Variants in SCNN1G observed in about 807,000 individuals in gnomAD.
SCNN1G encodes sodium channel epithelial 1 subunit gamma.
In SCNN1G, 27 loss-of-function variants were observed where a neutral mutation model predicts 64.6. The observed-to-expected ratio is 0.42, with a 90% CI of 0.31 to 0.58. The LOEUF (loss-of-function observed/expected upper bound fraction) is 0.58, where lower values mean the gene tolerates loss of function less well. Ranked by LOEUF, SCNN1G falls within the 20% of genes least tolerant of loss-of-function variation. The pLI is 0.18. For synonymous variants in SCNN1G, 330 were observed against 314.2 expected (o/e 1.05, Z -0.53); for missense variants, 743 against 823.4 (o/e 0.90, Z 1.19).
At chr16:23,194,906 T>A (rs994025092) in intron 5 of SCNN1G, 1 of 153,682 alleles carries the variant, frequency 6.5e-6, no homozygotes, top group Non-Finnish European at 1.4e-5. Flanking sequence ...ATCACAGTTT[T>A]GGAGACTAGA....
At chr16:23,192,590 G>C in intron 4 of SCNN1G, 48 bp downstream of exon 4, 1 of 1,494,298 alleles carries the variant, frequency 6.7e-7, no homozygotes, top group Non-Finnish European at 9.2e-7. Context: ...TGGCAGCTCT[G>C]AGTACCAGGC....
At chr16:23,187,870 GGAA>G (rs761330158) in intron 2 of SCNN1G, among the ~76,000 whole-genome samples, 10 of 152,124 alleles carry the variant, frequency 6.6e-5, no homozygotes, top group African/African-American at 2.2e-4. Flanking sequence ...TGGGGAGAAG[GGAA>G]GAAGAACAGG....
intron 5 of SCNN1G, among the ~76,000 whole-genome samples, chr16:23,195,396 C>T (rs77684620): frequency 0.013 from 1,956 of 152,256 alleles, 44 homozygotes; most frequent in African/African-American, 0.044. Flanking sequence ...AGGAACTGAA[C>T]AGATTGGCCT....
chr16:23,211,603 A>T (rs1401427277), intron 7 of SCNN1G, among the ~76,000 whole-genome samples: 1 of 152,200 alleles, frequency 6.6e-6, no homozygotes, highest in African/African-American at 2.4e-5. Context: ...TGAGGTCAGG[A>T]GTTTGAGACC....
chr16:23,214,909 C>A, intron 12 of SCNN1G, 122 bp downstream of exon 12: 1 of 1,089,334 alleles, frequency 9.2e-7, no homozygotes. Context: ...CTGTTGTAGG[C>A]TAGCCAGGTC....
chr16:23,213,150 A>G lies in SCNN1G; in HGVS notation c.1480A>G (p.Lys494Glu), dbSNP rs1960107892. 2 of 1,612,394 alleles carry G rather than the reference A, an allele frequency of 1.2e-6. No homozygotes were observed. Among genetic ancestry groups the G allele is most frequent in the South Asian group, 1.1e-5 (1 of 91,008 alleles). ...TTGGGACCAAGGCCGGCAAGTAAAC[A>G]AAAAGCTCAACAAGTAAGTTACCTC... The part of the protein sequence containing the change: ...LTWDQGRQVN[K>E]KLNKTDLAKL... The change falls in exon 11 of 13, where the codon AAA becomes GAA. Residue 494 changes from lysine (K) to glutamate (E), a missense_variant. By Grantham distance (56) the Lys-to-Glu change is moderately conservative. Transcript: ENST00000300061.
intron 6 of SCNN1G, among the ~76,000 whole-genome samples, chr16:23,203,825 C>A (rs1053233856): frequency 6.7e-6 from 1 of 149,040 alleles, no homozygotes; most frequent in African/African-American, 2.5e-5. Context: ...TTCAAACCCA[C>A]CCCAGTTTTG....
intron 2 of SCNN1G, 69 bp from the exon 3 acceptor site, chr16:23,189,302 C>A: frequency 6.6e-7 from 1 of 1,511,422 alleles, no homozygotes; most frequent in South Asian, 1.1e-5. Context: ...GGAAAACAGC[C>A]TGGAGGAGCA....
intron 4 of SCNN1G, 113 bp from the exon 5 acceptor site, chr16:23,194,058 C>T (rs891642881): frequency 2.7e-5 from 21 of 766,862 alleles, no homozygotes; most frequent in Admixed American, 3.8e-5. Context: ...AAATGAGTCA[C>T]ATCTCTCACA....
intron 6 of SCNN1G, among the ~76,000 whole-genome samples, chr16:23,206,284 G>C (rs1390970372): frequency 6.6e-6 from 1 of 152,224 alleles, no homozygotes; most frequent in Admixed American, 6.5e-5. Context: ...CCACCTTACA[G>C]ATGAGAAGTG....
chr16:23,215,712 A>G lies in SCNN1G; in HGVS notation c.*243A>G. ...TGAGATAAATCCCGGGACCTGAACT[A>G]TTAGCACGTCACTAGAGACTGGGAG... On this transcript the variant is annotated 3_prime_UTR_variant, in exon 13 of 13. Coordinates refer to ENST00000300061, the MANE Select transcript of SCNN1G (RefSeq NM_001039.4). The G allele has an allele frequency of 1.7e-6, 1 of 583,520 alleles. No individual in the cohort carries two copies. The highest frequency in any genetic ancestry group is 2.9e-5 in the East Asian group (1 of 34,354). The allele number at this position is 583,520 out of a possible 1,614,324, so 36.1% of individuals were successfully genotyped here.
intron 6 of SCNN1G, among the ~76,000 whole-genome samples, chr16:23,199,663 CTTTTTTTTTTTTTTT>C (rs67132706): frequency 1.5e-4 from 9 of 59,654 alleles, no homozygotes; most frequent in Middle Eastern, 0.016. Flanking sequence ...CTTTTCTTTT[CTTTTTTTTTTTTTTT>C]TTTTTTTTTT....
chr16:23,197,351 A>G lies in SCNN1G; in HGVS notation c.1001A>G (p.Gln334Arg). ...GGAGCTAAGGTGATCATCCATCGGC[A>G]GGATGAGTATCCCTTCGTCGAAGAT... ...STGAKVIIHRQDEYPFVEDVG... is the reference protein window; with the variant it reads ...STGAKVIIHRRDEYPFVEDVG... Residue 334 changes from glutamine (Q) to arginine (R), a missense_variant, in exon 6 of 13, where the codon CAG (glutamine) becomes CGG (arginine). Gln to Arg is a conservative substitution (Grantham distance 43). Transcript: ENST00000300061. 6.2e-7 allele frequency: 1 copy of G among 1,613,424 alleles called. No homozygotes were observed. Among genetic ancestry groups the G allele is most frequent in the Non-Finnish European group, 8.5e-7 (1 of 1,179,278 alleles).
At chr16:23,198,223 C>T (rs1051643784) in intron 6 of SCNN1G, among the ~76,000 whole-genome samples, 1 of 152,182 alleles carries the variant, frequency 6.6e-6, no homozygotes, top group Non-Finnish European at 1.5e-5. Flanking sequence ...GCACTGAGAA[C>T]ATGCAAACCT....
chr16:23,213,925 G>A (rs983460175), intron 11 of SCNN1G, among the ~76,000 whole-genome samples: 2 of 152,220 alleles, frequency 1.3e-5, no homozygotes, highest in Non-Finnish European at 2.9e-5. Context: ...CCTCATGAAA[G>A]CAACCCATTA....
At chr16:23,184,197 G>T (rs551013827) in intron 1 of SCNN1G, among the ~76,000 whole-genome samples, 1 of 93,902 alleles carries the variant, frequency 1.1e-5, no homozygotes, top group Non-Finnish European at 2.6e-5. Flanking sequence ...CCTTCACTTG[G>T]GGGCTCCTCT....
At chr16:23,211,856 T>G (rs2141944534) in intron 7 of SCNN1G, among the ~76,000 whole-genome samples, 178 bp from the exon 8 acceptor site, 1 of 152,098 alleles carries the variant, frequency 6.6e-6, no homozygotes, top group East Asian at 1.9e-4. Flanking sequence ...TAATACATCT[T>G]CCAGGTTGGG....
At chr16:23,212,008 T>C (rs1960087280) in intron 7 of SCNN1G, 26 bp from the exon 8 acceptor site, 3 of 1,489,092 alleles carry the variant, frequency 2.0e-6, no homozygotes, top group Non-Finnish European at 2.8e-6. Flanking sequence ...AAGACATGAA[T>C]GGCATTCCTG....
chr16:23,205,606 A>T (rs1187559221), intron 6 of SCNN1G, among the ~76,000 whole-genome samples: 1 of 151,912 alleles, frequency 6.6e-6, no homozygotes, highest in African/African-American at 2.4e-5. Flanking sequence ...AGGCTAAGGC[A>T]TGAGAATGGC....
Sources: allele counts gnomAD v4.1 joint callset (sites outside exome capture counted in the v4.1 genomes callset), GRCh38; gene constraint gnomAD v4.1.1; transcripts MANE v1.5; gene names NCBI Gene and HGNC (gene_info 2026-07-23, HGNC 2026-07-21).